The following RNF13 variants were observed in gnomAD, a reference collection of about 807,000 sequenced individuals.
RNF13 encodes ring finger protein 13.
RNF13 carries 19 observed loss-of-function variants against 37.7 expected under a neutral mutation model. The ratio of observed to expected loss-of-function variants is 0.50; its 90% confidence interval spans 0.35 to 0.74. RNF13 has a LOEUF of 0.74. Ranked by LOEUF, RNF13 falls within the 30% of genes least tolerant of loss-of-function variation. The pLI is 0.01. For missense variants in RNF13, 375 were observed against 453.0 expected (o/e 0.83, Z 1.56); for synonymous variants, 144 against 157.8 (o/e 0.91, Z 0.65).
At chr3:149,882,156 A>C (rs1161360679) in intron 4 of RNF13, among the ~76,000 whole-genome samples, 1 of 152,130 alleles carries the variant, frequency 6.6e-6, no homozygotes, top group South Asian at 2.1e-4. Flanking sequence ...AAGCATGTTC[A>C]TGATGATCTC....
intron 4 of RNF13, among the ~76,000 whole-genome samples, chr3:149,895,059 AT>A (rs1468633420): frequency 1.3e-5 from 2 of 152,290 alleles, no homozygotes; most frequent in East Asian, 3.9e-4. Flanking sequence ...TTTACAGAAT[AT>A]TTTGGATGAT....
chr3:149,852,915 C>T (rs148657650), intron 3 of RNF13, among the ~76,000 whole-genome samples: 2 of 151,582 alleles, frequency 1.3e-5, no homozygotes, highest in African/African-American at 4.8e-5. Context: ...CACACATTTA[C>T]ATATATATGT....
chr3:149,960,188 G>A, intron 9 of RNF13, 52 bp downstream of exon 9: 1 of 1,231,800 alleles, frequency 8.1e-7, no homozygotes, highest in Non-Finnish European at 1.2e-6. Flanking sequence ...TTTATATTTA[G>A]GTTCCATATT....
chr3:149,883,016 C>A (rs575083858), intron 4 of RNF13, among the ~76,000 whole-genome samples: 1 of 152,224 alleles, frequency 6.6e-6, no homozygotes, highest in African/African-American at 2.4e-5. Flanking sequence ...CTTATACATT[C>A]TCTCTCTGTA....
intron 1 of RNF13, among the ~76,000 whole-genome samples, chr3:149,837,253 A>G (rs1206132868): frequency 3.3e-5 from 5 of 152,336 alleles, no homozygotes; most frequent in Admixed American, 1.3e-4. Context: ...ATTCTCAAAC[A>G]TATAGAAAAG....
chr3:149,866,497 A>T (rs1711496906), intron 3 of RNF13, among the ~76,000 whole-genome samples: 1 of 152,084 alleles, frequency 6.6e-6, no homozygotes, highest in Non-Finnish European at 1.5e-5. Context: ...CTTTATTGTA[A>T]CCTATTTTAT....
chr3:149,899,468 A>G (rs1715599412), intron 5 of RNF13, among the ~76,000 whole-genome samples: 1 of 151,982 alleles, frequency 6.6e-6, no homozygotes, highest in Non-Finnish European at 1.5e-5. Flanking sequence ...GAATGAATGA[A>G]TGAATGAATA....
chr3:149,813,050 G>A (rs1218336609), upstream of RNF13: 3 of 152,316 alleles, frequency 2.0e-5, no homozygotes, highest in African/African-American at 7.2e-5. Context: ...ACGCGGCCAA[G>A]AACGAGACTC....
intron 4 of RNF13, among the ~76,000 whole-genome samples, chr3:149,878,494 A>G (rs920615337): frequency 6.6e-6 from 1 of 152,202 alleles, no homozygotes; most frequent in Non-Finnish European, 1.5e-5. Flanking sequence ...TAATATTGGC[A>G]GGATTGCTTG....
chr3:149,910,154 A>G (rs1716842632), intron 6 of RNF13, among the ~76,000 whole-genome samples: 1 of 152,112 alleles, frequency 6.6e-6, no homozygotes, highest in South Asian at 2.1e-4. Context: ...AAGTGGTACC[A>G]CTGGCTCAGG....
chr3:149,946,007 C>T (rs540576126), intron 8 of RNF13, among the ~76,000 whole-genome samples: 58 of 152,282 alleles, frequency 3.8e-4, no homozygotes, highest in Non-Finnish European at 7.4e-4. Flanking sequence ...AAAATCAGAG[C>T]GCCTCTCCCC....
At chr3:149,895,900 G>T (rs1715205855) in intron 5 of RNF13, among the ~76,000 whole-genome samples, 1 of 152,108 alleles carries the variant, frequency 6.6e-6, no homozygotes, top group South Asian at 2.1e-4. Flanking sequence ...TTATTTTAGG[G>T]TATGCACATA....
At chr3:149,825,493 A>G (rs1212309663) in intron 1 of RNF13, among the ~76,000 whole-genome samples, 2 of 152,148 alleles carry the variant, frequency 1.3e-5, no homozygotes, top group African/African-American at 2.4e-5. Context: ...CAGATGTTGT[A>G]CATTCCAGGC....
At chr3:149,865,588 C>T (rs1724731981) in intron 3 of RNF13, among the ~76,000 whole-genome samples, 1 of 152,000 alleles carries the variant, frequency 6.6e-6, no homozygotes, top group South Asian at 2.1e-4. Context: ...ACTTTAGCCT[C>T]CCAAGTAGTT....
intron 4 of RNF13, among the ~76,000 whole-genome samples, chr3:149,885,907 T>A (rs1332400493): frequency 6.6e-6 from 1 of 152,230 alleles, no homozygotes; most frequent in East Asian, 1.9e-4. Context: ...TTGATATTTT[T>A]ATATGGCAAG....
At position 149,837,855 on chromosome 3, in the gene RNF13, CA is replaced by C. The variant is rs550058168; in HGVS notation, c.-16-8155del. On this transcript the variant is annotated intron_variant, in intron 1 of 9. Coordinates refer to ENST00000392894, the MANE Select transcript of RNF13 (RefSeq NM_183381.3). ...CCCCCAAAGTCTTAATTCATTTCAG[CA>C]TTAACTCAAAAGTCCACATTCCAAT... Among the ~76,000 whole-genome samples, 972 of 152,206 alleles carry C rather than the reference CA, an allele frequency of 6.4e-3. 3 individuals are homozygous for C. The highest frequency in any genetic ancestry group is 0.034 in the Middle Eastern group (10 of 294).
At chr3:149,859,739 A>G (rs1030443703) in intron 3 of RNF13, among the ~76,000 whole-genome samples, 18 of 152,212 alleles carry the variant, frequency 1.2e-4, no homozygotes, top group Non-Finnish European at 5.9e-5. Context: ...GATGATATAG[A>G]TATGAAAAAG....
At position 149,846,037 on chromosome 3, in the gene RNF13, C is replaced by T; in HGVS notation, c.11C>T (p.Ser4Phe). ...TGATTTTACAACGAGATGCTGCTCTCCATAGGGATGCTCATGCTGTCAGCC... is the reference window on the plus strand; with the variant it reads ...TGATTTTACAACGAGATGCTGCTCTTCATAGGGATGCTCATGCTGTCAGCC... MLL[S>F]IGMLMLSATQ... The change falls in exon 2 of 10, where the codon TCC becomes TTC. Residue 4 changes from serine to phenylalanine, a missense_variant. Ser to Phe is a radical substitution (Grantham distance 155, BLOSUM62 -2). Transcript: ENST00000392894. 1 of 1,610,688 alleles carries T rather than the reference C, an allele frequency of 6.2e-7. No individual in the cohort carries two copies. Among genetic ancestry groups the T allele is most frequent in the Non-Finnish European group, 8.5e-7 (1 of 1,178,562 alleles).
chr3:149,937,486 G>A (rs1204131801), intron 8 of RNF13, among the ~76,000 whole-genome samples: 1 of 152,040 alleles, frequency 6.6e-6, no homozygotes, highest in African/African-American at 2.4e-5. Context: ...TTTGAGTTCT[G>A]GAATATTGAT....
Sources: gnomAD v4.1 joint callset for allele counts (sites outside exome capture counted in the v4.1 genomes callset) on GRCh38, gnomAD v4.1.1 for gene constraint, MANE v1.5 for transcripts, NCBI Gene and HGNC (gene_info 2026-07-23, HGNC 2026-07-21) for gene names.